RIN2: variants seen among roughly 807,000 people sequenced by gnomAD.
The protein encoded by RIN2 is RAB5 interacting protein 2.
In RIN2, 36 loss-of-function variants were observed where a neutral mutation model predicts 78.0. That is an observed-to-expected ratio of 0.46 (90% CI 0.35 to 0.61). The LOEUF (loss-of-function observed/expected upper bound fraction) is 0.61. Among genes scored for constraint, RIN2 ranks in the 20% least tolerant of loss-of-function variants. RIN2 has a pLI of 0.00. For missense variants in RIN2, 1,087 were observed against 1,159.7 expected, an observed-to-expected ratio of 0.94 and a Z score of 0.91; for synonymous variants, 466 against 466.8, an observed-to-expected ratio of 1.00 and a Z score of 0.02.
chr20:19,926,604 T>C (rs1465390324), intron 3 of RIN2, among the ~76,000 whole-genome samples: 1 of 151,928 alleles, frequency 6.6e-6, no homozygotes, highest in East Asian at 1.9e-4. Flanking sequence ...GGTAATGCGG[T>C]TTTTTTAGGA....
chr20:19,817,933 A>G (rs1159531363), intron 2 of RIN2, among the ~76,000 whole-genome samples: 1 of 152,272 alleles, frequency 6.6e-6, no homozygotes, highest in Non-Finnish European at 1.5e-5. Flanking sequence ...GGTGAAGTAT[A>G]GTCATGCATC....
intron 2 of RIN2, among the ~76,000 whole-genome samples, chr20:19,845,083 A>C (rs1600600044): frequency 6.6e-6 from 1 of 152,094 alleles, no homozygotes; most frequent in African/African-American, 2.4e-5. Context: ...TTATGGCTGC[A>C]TAGTATTCCA....
intron 2 of RIN2, among the ~76,000 whole-genome samples, chr20:19,888,154 G>A (rs6136873): frequency 0.5 from 75,694 of 151,924 alleles, 18,859 homozygotes; most frequent in Non-Finnish European, 0.51. Flanking sequence ...GGAAGACCCC[G>A]TCAAATCTTT....
At chr20:19,822,493 C>T (rs962785872) in intron 2 of RIN2, among the ~76,000 whole-genome samples, 9 of 152,198 alleles carry the variant, frequency 5.9e-5, no homozygotes, top group African/African-American at 2.2e-4. Flanking sequence ...CTGATTTCAT[C>T]TTAAATGCTC....
chr20:19,844,649 T>TTCTTCTTCTTCTTCTTCTTCTTCTTCC (rs2036700749), intron 2 of RIN2, among the ~76,000 whole-genome samples: 1 of 117,910 alleles, frequency 8.5e-6, no homozygotes, highest in African/African-American at 3.5e-5. Context: ...CTTCTTCTTC[T>TTCTTCTTCTTCTTCTTCTTCTTCTTCC]TCTTCTTCTT....
At chr20:19,781,782 C>CT (rs72107329) in intron 1 of RIN2, among the ~76,000 whole-genome samples, 2,206 of 143,632 alleles carry the variant, frequency 0.015, 38 homozygotes, top group African/African-American at 0.043. Context: ...AGATTATACA[C>CT]TTTTTTTTTT....
At chr20:19,970,988 T>C (rs1252693954) in intron 8 of RIN2, 59 bp downstream of exon 8, 8 of 1,313,444 alleles carry the variant, frequency 6.1e-6, no homozygotes, top group Non-Finnish European at 8.6e-6. Flanking sequence ...GCAGAGTCAA[T>C]GGTGGGCTCA....
At chr20:19,841,296 A>G (rs535188754) in intron 2 of RIN2, among the ~76,000 whole-genome samples, 3 of 152,010 alleles carry the variant, frequency 2.0e-5, no homozygotes, top group Non-Finnish European at 2.9e-5. Flanking sequence ...GGTTTTTTCA[A>G]AAGGACTTTA....
intron 2 of RIN2, among the ~76,000 whole-genome samples, chr20:19,884,886 T>C (rs948291311): frequency 1.3e-5 from 2 of 152,176 alleles, no homozygotes; most frequent in Non-Finnish European, 2.9e-5. Context: ...TGAGATGCAT[T>C]TCTTAGATTC....
At chr20:19,811,201 G>A (rs2035588791) in intron 2 of RIN2, among the ~76,000 whole-genome samples, 2 of 151,986 alleles carry the variant, frequency 1.3e-5, no homozygotes, top group Admixed American at 1.3e-4. Flanking sequence ...ATGGAGGAGG[G>A]GTAGGGAAAT....
Position 19,975,224 on chromosome 20 carries a change from C to T in RIN2, c.1199C>T (p.Pro400Leu), listed in dbSNP as rs990281968. 1 of 1,584,506 alleles carries T rather than the reference C, an allele frequency of 6.3e-7. No individual in the cohort carries two copies. Among genetic ancestry groups the T allele is most frequent in the Non-Finnish European group, 8.6e-7 (1 of 1,165,674 alleles). ...LGTAGSPGGA[P>L]PEAAPGDCTR... Reference sequence around the variant, plus strand: ...ACAGCTGGCAGCCCAGGTGGGGCCCCGCCTGAGGCCGCCCCGGGGGATTGC... The same window carrying T: ...ACAGCTGGCAGCCCAGGTGGGGCCCTGCCTGAGGCCGCCCCGGGGGATTGC... Residue 400 changes from proline (P) to leucine (L), a missense_variant, in exon 9 of 13, where the codon CCG becomes CTG. Physicochemically the swap from Pro to Leu is moderately conservative, Grantham distance 98 (BLOSUM62 -3). Coordinates refer to ENST00000255006, the MANE Select transcript of RIN2 (RefSeq NM_018993.4). This position sits in a 1 kb window ranked among gnomAD's most constrained non-coding sequence, Gnocchi z 4.9.
chr20:19,766,999 G>A (rs570882112), intron 1 of RIN2, among the ~76,000 whole-genome samples: 1 of 152,170 alleles, frequency 6.6e-6, no homozygotes, highest in East Asian at 1.9e-4. Context: ...TAGGGGCCAA[G>A]GGAAAAGTTC....
intron 9 of RIN2, among the ~76,000 whole-genome samples, chr20:19,980,999 G>A (rs1008003595): frequency 2.0e-5 from 3 of 152,202 alleles, no homozygotes; most frequent in East Asian, 3.8e-4. Flanking sequence ...GTTTTTAAAA[G>A]AGCCAAGTGA....
At chr20:19,932,449 T>C (rs1047183042) in intron 3 of RIN2, among the ~76,000 whole-genome samples, 11 of 152,180 alleles carry the variant, frequency 7.2e-5, no homozygotes, top group African/African-American at 2.4e-4. Context: ...CCTAGAGTAT[T>C]TGGCATTGTC....
At chr20:19,760,704 GC>G (rs1314126159) in intron 1 of RIN2, among the ~76,000 whole-genome samples, 1 of 152,136 alleles carries the variant, frequency 6.6e-6, no homozygotes, top group Non-Finnish European at 1.5e-5. Context: ...TTAATGGGAG[GC>G]CCATTCTTCA....
In RIN2 at chr20:19,956,214, C is replaced by T. The variant is rs144450152; in HGVS notation, c.159-401C>T. The stretch of plus-strand genomic sequence containing the variant: ...CGGAGGTTGCAGTGAGCCCAGATCG[C>T]GCCACTGCACTCCAGCCTGGGCAAC... On this transcript the variant is annotated intron_variant, in intron 4 of 12. Transcript: ENST00000255006. Among the ~76,000 whole-genome samples, 166 of 143,014 alleles carry T rather than the reference C, an allele frequency of 1.2e-3. 3 individuals are homozygous for T. In the East Asian group the frequency reaches 0.022, roughly 19 times the overall value. The allele number at this position is 143,014 out of a possible 152,430, so 93.8% of individuals were successfully genotyped here.
rs1353261176 is a variant in RIN2, at chr20:19,869,696, G to C, written c.-36-19870G>C. On this transcript the variant is annotated intron_variant, in intron 2 of 12. Transcript: ENST00000255006. ...GCTGGAGTGCAGTGGTGCAATCACA[G>C]CTACTGCAGCCTCGAACTCCTAGAC... 2.6e-5 allele frequency among the ~76,000 whole-genome samples: 4 copies of C among 151,604 alleles called. No individual in the cohort carries two copies. In the East Asian group the frequency reaches 7.8e-4, roughly 29 times the overall value.
chr20:19,949,557 A>G (rs1385081791), intron 4 of RIN2, among the ~76,000 whole-genome samples: 1 of 152,220 alleles, frequency 6.6e-6, no homozygotes, highest in African/African-American at 2.4e-5. Context: ...AAAGTTGTTC[A>G]CTTTATTTAC....
chr20:19,907,848 C>A (rs533059543), intron 3 of RIN2, among the ~76,000 whole-genome samples: 2 of 152,188 alleles, frequency 1.3e-5, no homozygotes, highest in African/African-American at 4.8e-5. Context: ...GCACCATTAC[C>A]AGCTGCATGA....
Sources: allele counts gnomAD v4.1 joint callset (sites outside exome capture counted in the v4.1 genomes callset), GRCh38; gene constraint gnomAD v4.1.1; non-coding constraint Gnocchi (gnomAD v3.1); transcripts MANE v1.5; gene names NCBI Gene and HGNC (gene_info 2026-07-23, HGNC 2026-07-21).